The following RASGEF1A variants were observed in gnomAD, a reference collection of about 807,000 sequenced individuals.
The protein encoded by RASGEF1A is ras-GEF domain-containing family member 1A.
RASGEF1A carries 18 observed loss-of-function variants against 56.4 expected under a neutral mutation model. That is an observed-to-expected ratio of 0.32 (90% CI 0.22 to 0.47). The LOEUF is 0.47. RASGEF1A is among the 20% of genes least tolerant of loss of function. The pLI, the probability that RASGEF1A is intolerant of heterozygous loss-of-function variation, is 1.00. For missense variants in RASGEF1A, 422 were observed against 627.1 expected, an observed-to-expected ratio of 0.67 and a Z score of 3.49; for synonymous variants, 245 against 242.6, an observed-to-expected ratio of 1.01 and a Z score of -0.09.
At chr10:43,199,879 C>G (rs1839866153) in intron 6 of RASGEF1A, 111 bp from the exon 7 acceptor site, 5 of 916,408 alleles carry the variant, frequency 5.5e-6, no homozygotes, top group Non-Finnish European at 8.6e-6. Flanking sequence ...CCGCAGCAGC[C>G]TCAATCATGC....
intron 1 of RASGEF1A, among the ~76,000 whole-genome samples, chr10:43,227,242 C>A (rs935875981): frequency 7.2e-5 from 11 of 152,192 alleles, no homozygotes; most frequent in Non-Finnish European, 1.5e-5. Context: ...ATGCATCCCA[C>A]CAATGCCAGT....
intron 1 of RASGEF1A, among the ~76,000 whole-genome samples, chr10:43,243,072 A>C (rs2090744): frequency 6.8e-6 from 1 of 146,808 alleles, no homozygotes; most frequent in African/African-American, 2.5e-5. Flanking sequence ...CCGCCACCCC[A>C]TCTAGAAAGT....
In RASGEF1A at chr10:43,198,843, GC is replaced by G. The variant is rs947445882; in HGVS notation, c.1032+89del. ...TGCTAGCCCCAGGGAGAGGAGGGCA[GC>G]CCCCCACCCCCACTGTCAGGGCCCC... On this transcript the variant is annotated intron_variant, in intron 9 of 12. Coordinates refer to ENST00000395810, the MANE Select transcript of RASGEF1A (RefSeq NM_145313.4). The G allele has an allele frequency of 8.3e-5, 101 of 1,222,900 alleles. No individual in the cohort carries two copies. The African/African-American group carries it at 1.4e-3, about 16-fold the overall frequency. 75.8% of individuals were successfully genotyped at this position (1,222,900 alleles called of 1,614,324 possible).
chr10:43,254,203 G>A (rs925974359), intron 1 of RASGEF1A, among the ~76,000 whole-genome samples: 3 of 152,222 alleles, frequency 2.0e-5, no homozygotes, highest in African/African-American at 7.2e-5. Context: ...TTCAGGGAGG[G>A]CGGGAGACAA....
intron 1 of RASGEF1A, among the ~76,000 whole-genome samples, chr10:43,242,209 C>A (rs1250070171): frequency 6.6e-6 from 1 of 151,850 alleles, no homozygotes; most frequent in Non-Finnish European, 1.5e-5. Context: ...CAAAAGAGAG[C>A]CAGAATGGCT....
At chr10:43,199,655 A>G (rs1465731813) in intron 7 of RASGEF1A, 21 bp downstream of exon 7, 2 of 1,596,662 alleles carry the variant, frequency 1.3e-6, no homozygotes, top group Non-Finnish European at 1.7e-6. Flanking sequence ...CCACCCCACC[A>G]TGTCTGCCAT....
At chr10:43,232,322 T>A (rs976782687) in intron 1 of RASGEF1A, among the ~76,000 whole-genome samples, 7 of 152,320 alleles carry the variant, frequency 4.6e-5, no homozygotes, top group African/African-American at 1.7e-4. Flanking sequence ...CCCTTCTCTC[T>A]CTTGCTCCTG....
intron 1 of RASGEF1A, among the ~76,000 whole-genome samples, chr10:43,206,445 T>G (rs1839997759): frequency 6.6e-6 from 1 of 152,056 alleles, no homozygotes; most frequent in Non-Finnish European, 1.5e-5. Flanking sequence ...CGGTGGGCAG[T>G]CAGGGCTGCC....
chr10:43,203,098 C>T (rs1440975406), intron 3 of RASGEF1A, among the ~76,000 whole-genome samples, 200 bp downstream of exon 3: 5 of 149,840 alleles, frequency 3.3e-5, no homozygotes. Flanking sequence ...CCAGGCCACG[C>T]CTCAACCCTA....
chr10:43,219,818 A>C (rs1438320526), intron 1 of RASGEF1A, among the ~76,000 whole-genome samples: 1 of 152,248 alleles, frequency 6.6e-6, no homozygotes, highest in Non-Finnish European at 1.5e-5. Flanking sequence ...CTTTTAAATG[A>C]TAACTAATTA....
intron 1 of RASGEF1A, among the ~76,000 whole-genome samples, chr10:43,260,321 C>T (rs1383065666): frequency 6.6e-6 from 1 of 152,252 alleles, no homozygotes; most frequent in Non-Finnish European, 1.5e-5. Context: ...CTCCACTCTG[C>T]AACCTGGGCC....
chr10:43,198,043 G>A lies in RASGEF1A; in HGVS notation c.1185C>T (p.Ile395=), dbSNP rs546064770. ...FVKDIYFLHK[I]HTNHLPNGHI... The stretch of plus-strand genomic sequence containing the variant: ...GCCCGTTGGGCAGGTGGTTGGTATG[G>A]ATTTTGTGCAGGAAGTAGATGTCCT... Residue 395 remains isoleucine (I), a synonymous_variant, in exon 10 of 13, where the codon ATC becomes ATT. Coordinates refer to ENST00000395810, the MANE Select transcript of RASGEF1A (RefSeq NM_145313.4). The A allele has an allele frequency of 3.7e-6, 6 of 1,613,924 alleles. No individual in the cohort carries two copies. The African/African-American group carries it at 8.0e-5, about 21-fold the overall frequency.
At chr10:43,254,476 G>C (rs1456554581) in intron 1 of RASGEF1A, among the ~76,000 whole-genome samples, 1 of 152,210 alleles carries the variant, frequency 6.6e-6, no homozygotes, top group Non-Finnish European at 1.5e-5. Context: ...TCTTCCTGCT[G>C]GTCCTGCCTG....
intron 2 of RASGEF1A, among the ~76,000 whole-genome samples, chr10:43,204,853 G>A (rs147795050): frequency 2.2e-4 from 33 of 152,330 alleles, no homozygotes; most frequent in Non-Finnish European, 3.8e-4. Flanking sequence ...CCCCACAGAC[G>A]GCCCTGCCCT....
intron 1 of RASGEF1A, among the ~76,000 whole-genome samples, chr10:43,220,983 G>A (rs972809957): frequency 6.6e-6 from 1 of 152,166 alleles, no homozygotes; most frequent in Non-Finnish European, 1.5e-5. Context: ...CACTCCTGCG[G>A]AGGGCCATAA....
chr10:43,254,603 G>A (rs1449240179), intron 1 of RASGEF1A, among the ~76,000 whole-genome samples: 5 of 152,178 alleles, frequency 3.3e-5, no homozygotes, highest in Non-Finnish European at 7.4e-5. Flanking sequence ...AGTGACACCC[G>A]GCCTCTGGGC....
At chr10:43,263,141 G>A (rs1037068086) in intron 1 of RASGEF1A, among the ~76,000 whole-genome samples, 1 of 152,164 alleles carries the variant, frequency 6.6e-6, no homozygotes, top group Non-Finnish European at 1.5e-5. Context: ...ACGGAGGAGG[G>A]AACAGATGCT....
intron 1 of RASGEF1A, among the ~76,000 whole-genome samples, chr10:43,250,638 G>C (rs1840617466): frequency 1.4e-5 from 2 of 145,820 alleles, no homozygotes; most frequent in Admixed American, 1.4e-4. Context: ...TGTGCCGAAG[G>C]GGAAGGGGGG....
At chr10:43,201,180 C>T (rs1004330141) in intron 4 of RASGEF1A, among the ~76,000 whole-genome samples, 5 of 152,112 alleles carry the variant, frequency 3.3e-5, no homozygotes, top group African/African-American at 2.4e-5. Flanking sequence ...TTTTCAGAGG[C>T]GGCCCACTGA....
Sources: allele counts gnomAD v4.1 joint callset (sites outside exome capture counted in the v4.1 genomes callset), GRCh38; gene constraint gnomAD v4.1.1; transcripts MANE v1.5; gene names NCBI Gene and HGNC (gene_info 2026-07-23, HGNC 2026-07-21).